C3orf49: variants seen among roughly 807,000 people sequenced by gnomAD.
The protein encoded by C3orf49 is putative uncharacterized protein C3orf49.
A neutral mutation model predicts 13.3 loss-of-function variants in C3orf49; 27 were observed. The observed-to-expected ratio is 2.02, with a 90% CI of 1.49 to 2.79. C3orf49 has a LOEUF of 2.79. Ranked by LOEUF, C3orf49 falls within the 30% of genes most tolerant of loss-of-function variation. C3orf49 has a pLI of 0.00. For synonymous variants in C3orf49, 87 were observed against 47.6 expected, an observed-to-expected ratio of 1.83 and a Z score of -3.40; for missense variants, 242 against 134.2, an observed-to-expected ratio of 1.80 and a Z score of -3.97.
the C3orf49 span, among the ~76,000 whole-genome samples, chr3:63,784,360 G>C: frequency 6.6e-6 from 1 of 151,970 alleles, no homozygotes; most frequent in African/African-American, 2.4e-5. Context: ...AGGCCAAAAA[G>C]AAAAGAAAAA....
At chr3:63,799,969 G>T in the C3orf49 span, among the ~76,000 whole-genome samples, 1 of 152,156 alleles carries the variant, frequency 6.6e-6, no homozygotes, top group Non-Finnish European at 1.5e-5. Context: ...AAAATGAAAT[G>T]TCTTGACATC....
chr3:63,812,236 T>G, the C3orf49 span, among the ~76,000 whole-genome samples: 14 of 152,346 alleles, frequency 9.2e-5, no homozygotes, highest in South Asian at 2.9e-3. Context: ...AAAAATTGTC[T>G]TGGACCACAC....
At chr3:63,807,857 C>CA in the C3orf49 span, among the ~76,000 whole-genome samples, 363 of 32,050 alleles carry the variant, frequency 0.011, 5 homozygotes, top group South Asian at 0.02. Context: ...AACTTCATCT[C>CA]AAAAAAAAAA....
chr3:63,805,814 TTAAACATGCTTAAAAAAAA>T, the C3orf49 span, among the ~76,000 whole-genome samples: 1 of 152,142 alleles, frequency 6.6e-6, no homozygotes, highest in Admixed American at 6.5e-5. Context: ...CTATTACTAC[TTAAACATGCTTAAAAAAAA>T]TTGTCCAGAA....
intron 1 of C3orf49, among the ~76,000 whole-genome samples, chr3:63,822,763 C>A (rs938790289): frequency 3.3e-5 from 5 of 152,074 alleles, no homozygotes; most frequent in African/African-American, 1.2e-4. Flanking sequence ...ATTTATGGGG[C>A]CTTGGAGGTT....
At chr3:63,804,357 C>T in the C3orf49 span, among the ~76,000 whole-genome samples, 1 of 152,146 alleles carries the variant, frequency 6.6e-6, no homozygotes, top group South Asian at 2.1e-4. Flanking sequence ...CCTAACATGG[C>T]TCACAGACAC....
chr3:63,786,811 G>A, the C3orf49 span, among the ~76,000 whole-genome samples: 1 of 152,172 alleles, frequency 6.6e-6, no homozygotes, highest in Non-Finnish European at 1.5e-5. Flanking sequence ...CTTGTCCCCA[G>A]TTTGAGAGCT....
At chr3:63,811,294 C>T in the C3orf49 span, among the ~76,000 whole-genome samples, 3 of 150,736 alleles carry the variant, frequency 2.0e-5, no homozygotes, top group African/African-American at 4.9e-5. Context: ...CGAGGTGCCT[C>T]GCACCTGTAA....
chr3:63,791,557 G>A, the C3orf49 span, among the ~76,000 whole-genome samples: 3 of 152,136 alleles, frequency 2.0e-5, no homozygotes, highest in African/African-American at 7.2e-5. Context: ...TGCCTAGGGA[G>A]CTTTTAAAAA....
Position 63,819,535 on chromosome 3 carries a change from T to G in C3orf49, c.64T>G (p.Cys22Gly). ...FKIAYRKVGQCRRFQQLKKKN... is the reference protein window; with the variant it reads ...FKIAYRKVGQGRRFQQLKKKN... The stretch of plus-strand genomic sequence containing the variant: ...GATTGCCTACAGAAAAGTTGGACAG[T>G]GCCGAAGATTCCAGCAACTCAAGAA... Residue 22 changes from cysteine to glycine, a missense_variant, in exon 1 of 7, where the codon TGC becomes GGC. Transcript: ENST00000295896. 1 of 703,274 alleles carries G rather than the reference T, an allele frequency of 1.4e-6. No individual in the cohort carries two copies. Among genetic ancestry groups the G allele is most frequent in the East Asian group, 2.7e-5 (1 of 37,284 alleles). 43.6% of individuals were successfully genotyped at this position (703,274 alleles called of 1,614,324 possible).
intron 5 of C3orf49, chr3:63,832,086 C>T (rs1394118017): frequency 4.1e-5 from 15 of 361,558 alleles, no homozygotes; most frequent in African/African-American, 2.8e-4. Context: ...CCCAGCTACT[C>T]GGGAGGCTGA....
At chr3:63,845,225 T>C (rs1363311060) in intron 6 of C3orf49, 143 bp downstream of exon 6, 1 of 474,856 alleles carries the variant, frequency 2.1e-6, no homozygotes, top group Non-Finnish European at 3.8e-6. Flanking sequence ...GTATCAAGAT[T>C]AGTTTGTGCT....
the C3orf49 span, among the ~76,000 whole-genome samples, chr3:63,803,691 T>G: frequency 6.6e-6 from 1 of 152,128 alleles, no homozygotes; most frequent in African/African-American, 2.4e-5. Flanking sequence ...AACTCTGACC[T>G]TAGGGAATCT....
intron 1 of C3orf49, 121 bp downstream of exon 1, chr3:63,819,717 T>C (rs1282410095): frequency 6.6e-6 from 4 of 609,130 alleles, no homozygotes; most frequent in African/African-American, 1.8e-5. Flanking sequence ...GGGAGGGTAC[T>C]GCGTTGGATC....
At chr3:63,787,500 CTTCATGAGGT>C in the C3orf49 span, among the ~76,000 whole-genome samples, 1,617 of 152,148 alleles carry the variant, frequency 0.011, 37 homozygotes, top group African/African-American at 0.036. Context: ...GAAGCTACAT[CTTCATGAGGT>C]TTAATTTTTC....
At chr3:63,827,389 A>C (rs1359016009) in intron 2 of C3orf49, 1 of 419,526 alleles carries the variant, frequency 2.4e-6, no homozygotes, top group Non-Finnish European at 4.3e-6. Context: ...GTTGGTGTCC[A>C]CTGAGGTCAT....
chr3:63,836,464 T>C, intron 5 of C3orf49: 1 of 1,017,290 alleles, frequency 9.8e-7, no homozygotes. Flanking sequence ...TCCTAGTACA[T>C]CAAGAAATGA....
chr3:63,838,419 ATATCATATAC>A, intron 5 of C3orf49: 3 of 1,595,124 alleles, frequency 1.9e-6, no homozygotes, highest in Non-Finnish European at 2.6e-6. Flanking sequence ...TCTGAGATTC[ATATCATATAC>A]TAGTAAAGTT....
rs565288861 is a variant in C3orf49, at chr3:63,819,425, A to G, written c.-47A>G. 2 of 694,926 alleles carry G rather than the reference A, an allele frequency of 2.9e-6. No homozygotes were observed. The highest frequency in any genetic ancestry group is 1.5e-5 in the South Asian group (1 of 66,730). 43.0% of individuals were successfully genotyped at this position (694,926 alleles called of 1,614,324 possible). A position where few individuals can be genotyped will look rare whatever the true frequency, so the allele number is the denominator to read the frequency against. On this transcript the variant is annotated 5_prime_UTR_variant, in exon 1 of 7. Coordinates refer to ENST00000295896, the MANE Select transcript of C3orf49 (RefSeq NM_001355236.2). ...TTTTGTATTGAAGTCTGTAAGTTCA[A>G]GAACTAAAACAATCCAAAACGGCTA...
Sources: gnomAD v4.1 joint callset for allele counts (sites outside exome capture counted in the v4.1 genomes callset) on GRCh38, gnomAD v4.1.1 for gene constraint, MANE v1.5 for transcripts, NCBI Gene and HGNC (gene_info 2026-07-23, HGNC 2026-07-21) for gene names.